DLGAP2: variants seen among roughly 807,000 people sequenced by gnomAD.
DLGAP2 encodes the protein disks large-associated protein 2.
In DLGAP2, 26 loss-of-function variants were observed where a neutral mutation model predicts 100.3. The ratio of observed to expected loss-of-function variants is 0.26; its 90% confidence interval spans 0.19 to 0.36. The LOEUF (loss-of-function observed/expected upper bound fraction) is 0.36, where lower values mean the gene tolerates loss of function less well. Ranked by LOEUF, DLGAP2 falls within the 10% of genes least tolerant of loss-of-function variation. The pLI is 1.00. For missense variants in DLGAP2, 1,858 were observed against 1,453.2 expected (o/e 1.28, Z -4.53); for synonymous variants, 886 against 630.1 (o/e 1.41, Z -6.08).
At chr8:1,550,674 A>C (rs1011904799) in intron 5 of DLGAP2, among the ~76,000 whole-genome samples, 1 of 152,194 alleles carries the variant, frequency 6.6e-6, no homozygotes, top group African/African-American at 2.4e-5. Context: ...AAAGGCAAAA[A>C]CAAAGAAGGT....
intron 2 of DLGAP2, among the ~76,000 whole-genome samples, chr8:1,145,605 T>C (rs1025119837): frequency 3.9e-5 from 6 of 152,240 alleles, no homozygotes; most frequent in African/African-American, 1.4e-4. Context: ...TTGGTGAATC[T>C]ATGGATGTAT....
chr8:1,298,483 G>T (rs993775617), intron 3 of DLGAP2, among the ~76,000 whole-genome samples: 6 of 152,158 alleles, frequency 3.9e-5, no homozygotes, highest in African/African-American at 1.4e-4. Flanking sequence ...ACACAGGAGG[G>T]AGCTGAGTGT....
chr8:1,259,813 G>A (rs1001720047), intron 3 of DLGAP2: 4 of 152,208 alleles, frequency 2.6e-5, no homozygotes, highest in Admixed American at 2.0e-4. Context: ...GAAAAAGTGA[G>A]TATAGGGTTA....
rs1249380727 is a variant in DLGAP2, at chr8:1,043,523, G to A, written c.73+135557G>A. ...CTGTGGAAAGCTCCCCCTGGCCTTC[G>A]TAGGACAAAGGATTCTTCAGGAAGC... is the stretch of plus-strand genomic sequence containing the variant. On this transcript the variant is annotated intron_variant, in intron 2 of 14. Transcript: ENST00000637795. 4.6e-5 allele frequency among the ~76,000 whole-genome samples: 7 copies of A among 152,114 alleles called. No individual in the cohort carries two copies. In the East Asian group the frequency reaches 5.8e-4, roughly 13 times the overall value.
intron 2 of DLGAP2, among the ~76,000 whole-genome samples, chr8:1,000,343 T>C (rs1800914890): frequency 6.8e-6 from 1 of 147,022 alleles, no homozygotes; most frequent in Non-Finnish European, 1.5e-5. Context: ...CGGGTGGAGG[T>C]GGTTTTCTTT....
At chr8:1,675,939 AC>A (rs1798801177) in intron 10 of DLGAP2, among the ~76,000 whole-genome samples, 1 of 152,014 alleles carries the variant, frequency 6.6e-6, no homozygotes, top group African/African-American at 2.4e-5. Context: ...TTTGGCAAAT[AC>A]AGCCACAATC....
intron 2 of DLGAP2, among the ~76,000 whole-genome samples, chr8:1,064,504 A>G (rs1585026839): frequency 6.6e-6 from 1 of 152,366 alleles, no homozygotes; most frequent in East Asian, 1.9e-4. Flanking sequence ...CATTAATGAC[A>G]TCCACTCAAA....
rs768356617 is a variant in DLGAP2 at position 1,548,644 on chromosome 8, C to T, written c.191C>T (p.Ser64Leu). Reference protein sequence around the residue: ...EEDLDPQYSWSPTQHFNEERY... With the variant: ...EEDLDPQYSWLPTQHFNEERY... ...CCCACAGACCCGCAGTACTCATGGTCGCCCACGCAGCACTTCAATGAGGAG... is the reference window on the plus strand; with the variant it reads ...CCCACAGACCCGCAGTACTCATGGTTGCCCACGCAGCACTTCAATGAGGAG... Residue 64 changes from serine to leucine, a missense_variant, in exon 5 of 15, where the codon TCG (serine) becomes TTG (leucine). Coordinates refer to ENST00000637795, the MANE Select transcript of DLGAP2 (RefSeq NM_001346810.2). 6.4e-7 allele frequency: 1 copy of T among 1,554,758 alleles called. No homozygotes were observed. Among genetic ancestry groups the T allele is most frequent in the Non-Finnish European group, 8.7e-7 (1 of 1,151,780 alleles).
chr8:1,646,863 G>GC (rs1365667358), intron 8 of DLGAP2, among the ~76,000 whole-genome samples: 1 of 152,200 alleles, frequency 6.6e-6, no homozygotes, highest in Non-Finnish European at 1.5e-5. Flanking sequence ...GGCTTGGAAA[G>GC]CCAGCGTCGA....
At chr8:1,389,212 C>G (rs1292336773) in intron 3 of DLGAP2, among the ~76,000 whole-genome samples, 1 of 151,962 alleles carries the variant, frequency 6.6e-6, no homozygotes, top group Admixed American at 6.6e-5. Flanking sequence ...TGGGAAATGC[C>G]ATAATGGGAG....
chr8:802,713 G>T (rs1261583776), intron 1 of DLGAP2, among the ~76,000 whole-genome samples: 1 of 152,068 alleles, frequency 6.6e-6, no homozygotes, highest in Non-Finnish European at 1.5e-5. Flanking sequence ...GCAGAGACAG[G>T]TTGCATCTTT....
chr8:1,501,450 C>A lies in DLGAP2; in HGVS notation c.172+19C>A. The A allele has an allele frequency of 6.5e-7, 1 of 1,535,420 alleles. No homozygotes were observed. The highest frequency in any genetic ancestry group is 1.2e-5 in the South Asian group (1 of 84,032). Reference sequence around the variant, plus strand: ...GATCTAGGTAGAGTACAGACGTCAGCCCCGCTCTGGCGGGGCCCGGACAGA... The same window carrying A: ...GATCTAGGTAGAGTACAGACGTCAGACCCGCTCTGGCGGGGCCCGGACAGA... On this transcript the variant is annotated intron_variant, in intron 4 of 14. Coordinates refer to ENST00000637795, the MANE Select transcript of DLGAP2 (RefSeq NM_001346810.2).
At chr8:1,176,897 C>G (rs548420396) in intron 2 of DLGAP2, among the ~76,000 whole-genome samples, 2 of 152,150 alleles carry the variant, frequency 1.3e-5, no homozygotes, top group Non-Finnish European at 2.9e-5. Context: ...GTCACCAACT[C>G]AGACAGGACC....
intron 6 of DLGAP2, among the ~76,000 whole-genome samples, chr8:1,590,401 C>A (rs115477228): frequency 2.0e-5 from 3 of 152,166 alleles, no homozygotes; most frequent in African/African-American, 7.2e-5. Context: ...TTATTTCCAT[C>A]TCCGTGTTGG....
chr8:1,415,501 G>A (rs532321070), intron 3 of DLGAP2, among the ~76,000 whole-genome samples: 5 of 151,876 alleles, frequency 3.3e-5, no homozygotes, highest in South Asian at 4.2e-4. Flanking sequence ...TCTGCTGTTC[G>A]CACCTTTATG....
intron 2 of DLGAP2, among the ~76,000 whole-genome samples, chr8:1,184,433 C>T (rs1797456267): frequency 2.0e-5 from 3 of 152,214 alleles, no homozygotes; most frequent in African/African-American, 4.8e-5. Context: ...CTGGAAGCAT[C>T]CCGTGTGAAG....
In DLGAP2 at chr8:1,701,785, G is replaced by C. The variant is rs1421427537; in HGVS notation, c.*379G>C. On this transcript the variant is annotated 3_prime_UTR_variant, in exon 15 of 15. Coordinates refer to ENST00000637795, the MANE Select transcript of DLGAP2 (RefSeq NM_001346810.2). ...TAAATTGTGTGATAATTAGAGGTAA[G>C]AATAACAAGTAACTATAAACGGGTG... The C allele has an allele frequency of 4.2e-6, 1 of 240,444 alleles. No individual in the cohort carries two copies. Among genetic ancestry groups the C allele is most frequent in the Non-Finnish European group, 7.9e-6 (1 of 125,928 alleles). 14.9% of individuals were successfully genotyped at this position (240,444 alleles called of 1,614,324 possible). A position where few individuals can be genotyped will look rare whatever the true frequency, so the allele number is the denominator to read the frequency against.
intron 2 of DLGAP2, among the ~76,000 whole-genome samples, chr8:1,135,503 GTTTTTTTTTTTT>G (rs3080806): frequency 5.4e-5 from 5 of 92,194 alleles, no homozygotes; most frequent in Non-Finnish European, 7.8e-5. Context: ...TTTTTTGTGG[GTTTTTTTTTTTT>G]TTTTTTTTTT....
chr8:1,010,833 G>C (rs1463553155), intron 2 of DLGAP2, among the ~76,000 whole-genome samples: 1 of 152,200 alleles, frequency 6.6e-6, no homozygotes, highest in African/African-American at 2.4e-5. Context: ...GGAGCATCAC[G>C]GGGCTCCTCT....
Sources: gnomAD v4.1 joint callset for allele counts (sites outside exome capture counted in the v4.1 genomes callset) on GRCh38, gnomAD v4.1.1 for gene constraint, MANE v1.5 for transcripts, NCBI Gene and HGNC (gene_info 2026-07-23, HGNC 2026-07-21) for gene names.